CLEC20A: variants seen among roughly 807,000 people sequenced by gnomAD.
CLEC20A encodes the protein C-type lectin domain containing 20A.
chr1:178,486,330 C>T, intron 5 of CLEC20A: 1 of 397,876 alleles, frequency 2.5e-6, no homozygotes, highest in Non-Finnish European at 4.4e-6. Flanking sequence ...GGCCTGCACC[C>T]TACTCATGGA....
At chr1:178,486,377 A>T (rs1021455955) in intron 5 of CLEC20A, 6 of 398,396 alleles carry the variant, frequency 1.5e-5, no homozygotes, top group Non-Finnish European at 2.7e-5. Context: ...GAACTCCCCA[A>T]GATGCTTGGG....
chr1:178,497,540 C>T (rs1048004131), upstream of CLEC20A, among the ~76,000 whole-genome samples: 10 of 152,212 alleles, frequency 6.6e-5, no homozygotes, highest in Admixed American at 1.3e-4. Flanking sequence ...TGGGTTTCCC[C>T]ACTCAGTCTA....
At chr1:178,484,319 CTG>C (rs752402329) in intron 5 of CLEC20A, 15 of 152,190 alleles carry the variant, frequency 9.9e-5, no homozygotes, top group Non-Finnish European at 2.1e-4. Flanking sequence ...GCCAAGATCA[CTG>C]TTTTTCCCAC....
chr1:178,496,563 G>A (rs540384943), intron 1 of CLEC20A: 85 of 284,370 alleles, frequency 3.0e-4, no homozygotes, highest in African/African-American at 1.6e-3. Context: ...TCCACACCCC[G>A]GTGATGTCCT....
intron 6 of CLEC20A, chr1:178,482,894 T>TA (rs1302152576): frequency 2.7e-5 from 8 of 293,344 alleles, no homozygotes; most frequent in Non-Finnish European, 5.0e-5. Flanking sequence ...AGTTTATAGT[T>TA]ATCTCATTGG....
intron 1 of CLEC20A, chr1:178,495,983 G>A (rs1649379132): frequency 6.6e-6 from 1 of 152,644 alleles, no homozygotes; most frequent in Non-Finnish European, 1.5e-5. Context: ...TGGAGAGCTG[G>A]GCACAGGCCG....
At chr1:178,497,008 G>T (rs899397258), upstream of CLEC20A, 2 of 398,988 alleles carry the variant, frequency 5.0e-6, no homozygotes, top group Admixed American at 4.4e-5. Context: ...AGCTGGCGGG[G>T]ACTGTAGAAG....
At chr1:178,486,895 A>G (rs1239262215) in intron 5 of CLEC20A, 1 of 397,990 alleles carries the variant, frequency 2.5e-6, no homozygotes, top group African/African-American at 2.1e-5. Flanking sequence ...GCCGGGTGTT[A>G]CCGCCCCTTG....
chr1:178,486,940 G>T (rs1426305390), intron 5 of CLEC20A: 3 of 397,132 alleles, frequency 7.6e-6, no homozygotes, highest in Non-Finnish European at 1.3e-5. Context: ...GGAGGCGGAA[G>T]CGCGCGAGTA....
chr1:178,482,634 AC>A (rs1649020222), intron 6 of CLEC20A: 3 of 363,692 alleles, frequency 8.2e-6, no homozygotes, highest in Non-Finnish European at 1.5e-5. Flanking sequence ...CAGCCTGGCT[AC>A]CCATCAGGCA....
At chr1:178,490,420 C>T (rs918226763) in exon 4 of CLEC20A, 4 of 398,582 alleles carry the variant, frequency 1.0e-5, no homozygotes, top group Non-Finnish European at 1.8e-5. Flanking sequence ...AAGGTCTGAC[C>T]ACTGATCTGG....
intron 5 of CLEC20A, chr1:178,486,853 G>T: frequency 5.0e-6 from 2 of 398,438 alleles, no homozygotes; most frequent in Non-Finnish European, 8.9e-6. Context: ...GGGAACCAAG[G>T]TGCCCCCCGG....
intron 7 of CLEC20A, chr1:178,479,924 A>G (rs988912304): frequency 5.3e-6 from 1 of 186,996 alleles, no homozygotes; most frequent in African/African-American, 2.3e-5. Context: ...AAAAAGAAAA[A>G]AAACAGAGGA....
chr1:178,494,226 C>T (rs1289530136), intron 2 of CLEC20A, among the ~76,000 whole-genome samples: 1 of 152,160 alleles, frequency 6.6e-6, no homozygotes, highest in Non-Finnish European at 1.5e-5. Flanking sequence ...GAGACCCTGT[C>T]TCTATTAAGG....
At chr1:178,486,819 C>T (rs1302338713) in intron 5 of CLEC20A, 4 of 398,404 alleles carry the variant, frequency 1.0e-5, no homozygotes, top group South Asian at 1.3e-4. Flanking sequence ...GGGCAGTGAC[C>T]GGCGGCATCC....
At chr1:178,486,068 T>C (rs2101865651) in intron 5 of CLEC20A, among the ~76,000 whole-genome samples, 1 of 152,262 alleles carries the variant, frequency 6.6e-6, no homozygotes, top group African/African-American at 2.4e-5. Context: ...ACACAGTAGG[T>C]ACTGGAGCCA....
chr1:178,497,516 C>G (rs1164619302), upstream of CLEC20A, among the ~76,000 whole-genome samples: 1 of 152,158 alleles, frequency 6.6e-6, no homozygotes, highest in East Asian at 1.9e-4. Context: ...AGAATCCAGA[C>G]CCACAGGCCT....
chr1:178,488,676 G>GC, intron 4 of CLEC20A, 77 bp from the exon 5 acceptor site: 2 of 398,402 alleles, frequency 5.0e-6, no homozygotes. Context: ...GGCTCTGATG[G>GC]CCCCGCATTT....
chr1:178,487,380 A>C (rs1389528204), intron 5 of CLEC20A, among the ~76,000 whole-genome samples: 1 of 152,076 alleles, frequency 6.6e-6, no homozygotes, highest in Non-Finnish European at 1.5e-5. Flanking sequence ...GAGGTCCCTT[A>C]GTGACTCACA....
Sources: gnomAD v4.1 joint callset for allele counts (sites outside exome capture counted in the v4.1 genomes callset) on GRCh38, gnomAD v4.1.1 for gene constraint, MANE v1.5 for transcripts, NCBI Gene and HGNC (gene_info 2026-07-23, HGNC 2026-07-21) for gene names.